The following ZNF320 variants were observed in gnomAD, a reference collection of about 807,000 sequenced individuals.
The protein encoded by ZNF320 is zinc finger gene 320.
In ZNF320, 2 loss-of-function variants were observed where a neutral mutation model predicts 6.8. That is an observed-to-expected ratio of 0.29 (90% CI 0.12 to 0.93). The LOEUF is 0.93. ZNF320 is among the 40% of genes least tolerant of loss of function. ZNF320 has a pLI of 0.55. For missense variants in ZNF320, 472 were observed against 611.0 expected (o/e 0.77, Z 2.40); for synonymous variants, 208 against 203.2 (o/e 1.02, Z -0.20).
upstream of ZNF320, among the ~76,000 whole-genome samples, chr19:52,900,382 T>C (rs2064567602): frequency 6.6e-6 from 1 of 152,186 alleles, no homozygotes; most frequent in South Asian, 2.1e-4. Flanking sequence ...CTTTTAGAAC[T>C]TAAAAATTGT....
the ZNF320 span, among the ~76,000 whole-genome samples, chr19:52,903,415 A>G: frequency 6.9e-6 from 1 of 144,402 alleles, no homozygotes; most frequent in Admixed American, 6.8e-5. Flanking sequence ...TCTTTTAACT[A>G]CTGTGGGGGG....
chr19:52,864,955 G>A (rs1248579951), intron 5 of ZNF320, among the ~76,000 whole-genome samples: 4 of 152,074 alleles, frequency 2.6e-5, no homozygotes, highest in Non-Finnish European at 5.9e-5. Flanking sequence ...AGAGCTTGCA[G>A]TGAGCCGAGA....
In ZNF320 at chr19:52,868,114, T is replaced by C. The variant is rs375031443; in HGVS notation, c.224-3955A>G. Among the ~76,000 whole-genome samples, 981 of 143,852 alleles carry C rather than the reference T, an allele frequency of 6.8e-3. 10 individuals carry two copies. The highest frequency in any genetic ancestry group is 0.018 in the African/African-American group (739 of 40,076). The allele number at this position is 143,852 out of a possible 152,430, so 94.4% of individuals were successfully genotyped here. A position where few individuals can be genotyped will look rare whatever the true frequency, so the allele number is the denominator to read the frequency against. On this transcript the variant is annotated intron_variant, in intron 5 of 5. Coordinates refer to the ZNF320 transcript ENST00000673631. Reference sequence around the variant, plus strand: ...AAAAGGAGCATGTCATCATCAACATTGCTGAAGGCTGACAACTCTTATTAC... The same window carrying C: ...AAAAGGAGCATGTCATCATCAACATCGCTGAAGGCTGACAACTCTTATTAC...
intron 5 of ZNF320, among the ~76,000 whole-genome samples, chr19:52,868,275 G>A (rs8105529): frequency 0.22 from 32,732 of 152,032 alleles, 3,660 homozygotes; most frequent in African/African-American, 0.23. Context: ...GGAAGACCGC[G>A]GTGGGTGGAT....
chr19:52,869,431 A>G (rs984080753), intron 5 of ZNF320, among the ~76,000 whole-genome samples: 1 of 152,202 alleles, frequency 6.6e-6, no homozygotes, highest in African/African-American at 2.4e-5. Context: ...GAGACCATGG[A>G]TGTGAAGAAT....
chr19:52,899,437 G>A (rs1057131868), upstream of ZNF320, among the ~76,000 whole-genome samples: 6 of 152,078 alleles, frequency 3.9e-5, no homozygotes, highest in African/African-American at 1.4e-4. Flanking sequence ...AAGTAGTCGA[G>A]AGCTAGTCTA....
chr19:52,862,531 A>G (rs948213905), exon 6 of ZNF320: 3 of 355,326 alleles, frequency 8.4e-6, no homozygotes, highest in African/African-American at 6.4e-5. Context: ...AGGTTCTCCA[A>G]TGATTTGCAA....
intron 5 of ZNF320, among the ~76,000 whole-genome samples, chr19:52,869,938 G>A (rs1256845563): frequency 4.0e-5 from 6 of 151,448 alleles, no homozygotes; most frequent in African/African-American, 1.5e-4. Context: ...GGATGGTCTC[G>A]ATCTCCTGAC....
exon 6 of ZNF320, among the ~76,000 whole-genome samples, chr19:52,860,981 G>T (rs2063483951): frequency 6.6e-6 from 1 of 150,920 alleles, no homozygotes; most frequent in African/African-American, 2.5e-5. Flanking sequence ...CTTTAGTCTG[G>T]GCGACAGAGT....
upstream of ZNF320, among the ~76,000 whole-genome samples, chr19:52,900,115 G>A (rs1228502258): frequency 6.6e-6 from 1 of 152,166 alleles, no homozygotes; most frequent in Non-Finnish European, 1.5e-5. Context: ...AGGCAGCTTA[G>A]CATGAGCTCT....
intron 4 of ZNF320, among the ~76,000 whole-genome samples, chr19:52,889,940 C>T (rs1439778353): frequency 6.6e-6 from 1 of 152,090 alleles, no homozygotes; most frequent in Non-Finnish European, 1.5e-5. Context: ...CAGATGTGGC[C>T]CCTGAACAAT....
At chr19:52,896,457 C>T (rs1332366917) in intron 1 of ZNF320, among the ~76,000 whole-genome samples, 2 of 152,006 alleles carry the variant, frequency 1.3e-5, no homozygotes, top group Non-Finnish European at 2.9e-5. Flanking sequence ...GCCTGTAATT[C>T]CAGCATTTTG....
intron 5 of ZNF320, 22 bp from the exon 6 acceptor site, chr19:52,882,005 A>T: frequency 6.3e-7 from 1 of 1,592,256 alleles, no homozygotes; most frequent in Non-Finnish European, 8.5e-7. Flanking sequence ...AAACACCAAT[A>T]GGTTTCCAAT....
chr19:52,887,008 A>AGGAAGGAAGGAAGGAAGG (rs1555821347), intron 5 of ZNF320, among the ~76,000 whole-genome samples: 8 of 106,946 alleles, frequency 7.5e-5, no homozygotes, highest in East Asian at 2.4e-4. Context: ...GAAGGAAGGA[A>AGGAAGGAAGGAAGGAAGG]AAGAAAAAAC....
At chr19:52,885,352 AGGCGGATCACCT>A (rs2064042196) in intron 5 of ZNF320, among the ~76,000 whole-genome samples, 1 of 152,086 alleles carries the variant, frequency 6.6e-6, no homozygotes, top group Admixed American at 6.6e-5. Context: ...AGGGCAAGCC[AGGCGGATCACCT>A]GGGGTCAAGG....
chr19:52,896,901 C>T (rs942215190), intron 1 of ZNF320, among the ~76,000 whole-genome samples: 2 of 152,120 alleles, frequency 1.3e-5, no homozygotes, highest in African/African-American at 4.8e-5. Flanking sequence ...AGGGAAAGAG[C>T]CCAGGAGTGG....
intron 5 of ZNF320, among the ~76,000 whole-genome samples, chr19:52,867,845 C>T (rs1466620883): frequency 6.6e-6 from 1 of 152,110 alleles, no homozygotes; most frequent in Non-Finnish European, 1.5e-5. Flanking sequence ...GTCCTGACCT[C>T]AGGTGATCTG....
chr19:52,898,640 C>T (rs2064541134), upstream of ZNF320, among the ~76,000 whole-genome samples: 1 of 152,162 alleles, frequency 6.6e-6, no homozygotes, highest in African/African-American at 2.4e-5. Flanking sequence ...TCCCTGAATG[C>T]ACAATTTCTG....
intron 5 of ZNF320, among the ~76,000 whole-genome samples, chr19:52,885,626 G>GT (rs2064052186): frequency 6.6e-6 from 1 of 152,144 alleles, no homozygotes; most frequent in Non-Finnish European, 1.5e-5. Flanking sequence ...TGAGGCAGGA[G>GT]AACTGCTTGA....
Sources: allele counts gnomAD v4.1 joint callset (sites outside exome capture counted in the v4.1 genomes callset), GRCh38; gene constraint gnomAD v4.1.1; transcripts MANE v1.5; gene names NCBI Gene and HGNC (gene_info 2026-07-23, HGNC 2026-07-21).